Variants in TRPC7 observed in about 807,000 individuals in gnomAD.
TRPC7 encodes transient receptor potential cation channel subfamily C member 7.
TRPC7 carries 42 observed loss-of-function variants against 90.1 expected under a neutral mutation model. That is an observed-to-expected ratio of 0.47 (90% CI 0.36 to 0.60). TRPC7 has a LOEUF of 0.60. TRPC7 is among the 20% of genes least tolerant of loss of function. TRPC7 has a pLI of 0.00. For missense variants in TRPC7, 955 were observed against 1,112.3 expected (o/e 0.86, Z 2.01); for synonymous variants, 451 against 436.3 (o/e 1.03, Z -0.42).
intron 7 of TRPC7, among the ~76,000 whole-genome samples, chr5:136,238,286 T>C (rs1428048046): frequency 6.6e-6 from 1 of 152,190 alleles, no homozygotes; most frequent in Admixed American, 6.5e-5. Flanking sequence ...TTTGCCTCTT[T>C]TCCCTCTGAA....
chr5:136,313,409 ATCTATCTATCTG>A (rs1420645275), intron 3 of TRPC7, among the ~76,000 whole-genome samples: 8 of 152,048 alleles, frequency 5.3e-5, no homozygotes, highest in African/African-American at 1.7e-4. Context: ...CTATCTATCT[ATCTATCTATCTG>A]TCTATCAAGT....
intron 3 of TRPC7, among the ~76,000 whole-genome samples, chr5:136,311,575 A>G (rs1339574757): frequency 2.0e-5 from 3 of 152,252 alleles, no homozygotes; most frequent in African/African-American, 7.2e-5. Flanking sequence ...TAAGAAGGAT[A>G]GTTAGGCATG....
chr5:136,274,557 A>G, intron 4 of TRPC7, 116 bp downstream of exon 4: 3 of 1,163,096 alleles, frequency 2.6e-6, no homozygotes, highest in Admixed American at 7.6e-5. Context: ...TCTCAGGAAT[A>G]TTTTCTTTAA....
At chr5:136,310,091 C>T (rs1164730213) in intron 3 of TRPC7, among the ~76,000 whole-genome samples, 7 of 152,162 alleles carry the variant, frequency 4.6e-5, no homozygotes, top group African/African-American at 1.2e-4. Flanking sequence ...CTCAGTCACA[C>T]CCAGTCCTCC....
At chr5:136,360,142 A>G (rs1179956463) in intron 1 of TRPC7, among the ~76,000 whole-genome samples, 1 of 152,234 alleles carries the variant, frequency 6.6e-6, no homozygotes, top group Non-Finnish European at 1.5e-5. Flanking sequence ...TTTAATGACT[A>G]CTGAACCAAG....
intron 3 of TRPC7, among the ~76,000 whole-genome samples, chr5:136,301,062 T>G (rs1306863813): frequency 6.6e-6 from 1 of 152,152 alleles, no homozygotes; most frequent in African/African-American, 2.4e-5. Flanking sequence ...GGAGTTTCAC[T>G]CTTGTTGCCC....
rs1755142625 is a variant in TRPC7 at position 136,213,045 on chromosome 5, G to A, written c.*390C>T. Reference sequence around the variant, plus strand: ...GAGTGAGAAGGAGTTTGTGGGTTGAGGTGTTTGTCTTCCCAGGACACAGCC... The same window carrying A: ...GAGTGAGAAGGAGTTTGTGGGTTGAAGTGTTTGTCTTCCCAGGACACAGCC... On this transcript the variant is annotated 3_prime_UTR_variant, in exon 12 of 12. Coordinates refer to ENST00000513104, the MANE Select transcript of TRPC7 (RefSeq NM_020389.3). Among the ~76,000 whole-genome samples the A allele has an allele frequency of 6.6e-6, 1 of 152,144 alleles. No homozygotes were observed. The highest frequency in any genetic ancestry group is 2.4e-5 in the African/African-American group (1 of 41,426).
intron 7 of TRPC7, among the ~76,000 whole-genome samples, chr5:136,241,163 C>T (rs1019798582): frequency 2.6e-5 from 4 of 152,140 alleles, no homozygotes; most frequent in African/African-American, 7.2e-5. Flanking sequence ...ATAAGTGTCA[C>T]GGAAAATACA....
intron 2 of TRPC7, among the ~76,000 whole-genome samples, chr5:136,335,618 G>A (rs750704737): frequency 4.0e-5 from 6 of 151,736 alleles, no homozygotes; most frequent in African/African-American, 9.7e-5. Flanking sequence ...AAAAAGCTAC[G>A]AGAGGCCAGG....
chr5:136,275,270 AC>A (rs1456290605), intron 3 of TRPC7, among the ~76,000 whole-genome samples: 1 of 151,610 alleles, frequency 6.6e-6, no homozygotes, highest in Non-Finnish European at 1.5e-5. Flanking sequence ...ATTTTGTTCT[AC>A]CCCCTACTAG....
intron 3 of TRPC7, among the ~76,000 whole-genome samples, chr5:136,278,745 G>A (rs151304587): frequency 1.3e-3 from 196 of 152,276 alleles, no homozygotes; most frequent in African/African-American, 4.3e-3. Context: ...TATTTCATAT[G>A]CCCTGCCTAG....
chr5:136,315,525 A>T lies in TRPC7; in HGVS notation c.963+72T>A, dbSNP rs1165482638. ...CCTGTGGGAACATAAAATAGACATG[A>T]GCAAAAAGCAAGGCCAGCAGCCCCG... On this transcript the variant is annotated intron_variant, in intron 3 of 11. Coordinates refer to ENST00000513104, the MANE Select transcript of TRPC7 (RefSeq NM_020389.3). 29 of 1,526,398 alleles carry T rather than the reference A, an allele frequency of 1.9e-5. No individual in the cohort carries two copies. The East Asian group carries it at 6.6e-4, about 35-fold the overall frequency. The allele number at this position is 1,526,398 out of a possible 1,614,324, so 94.6% of individuals were successfully genotyped here.
chr5:136,364,102 C>T (rs1363853143), intron 1 of TRPC7, among the ~76,000 whole-genome samples: 1 of 152,088 alleles, frequency 6.6e-6, no homozygotes, highest in Non-Finnish European at 1.5e-5. Context: ...AAGTAACATG[C>T]TTAATATTTA....
chr5:136,231,466 T>C lies in TRPC7; in HGVS notation c.1928A>G (p.Lys643Arg), dbSNP rs1219134418. The change falls in exon 8 of 12, where the codon AAA (lysine) becomes AGA (arginine). Residue 643 changes from lysine (K) to arginine (R), a missense_variant. Lys to Arg is a conservative substitution (Grantham distance 26). Around this residue, in one of 4 missense-constraint regions of TRPC7, gnomAD observed 296 missense variants for 422.7 expected, o/e 0.70. Transcript: ENST00000513104. ...AACGTAGCCAATGTTCTCGATGAATTTGTGGTCGTATTTCAGCACCACTGA... is the reference window on the plus strand; with the variant it reads ...AACGTAGCCAATGTTCTCGATGAATCTGTGGTCGTATTTCAGCACCACTGA... ...VISVVLKYDH[K>R]FIENIGYVLY... The C allele has an allele frequency of 1.2e-6, 2 of 1,612,806 alleles. No homozygotes were observed. The highest frequency in any genetic ancestry group is 1.7e-6 in the Non-Finnish European group (2 of 1,179,394).
chr5:136,360,476 A>G (rs1349545891), intron 1 of TRPC7, among the ~76,000 whole-genome samples: 1 of 151,774 alleles, frequency 6.6e-6, no homozygotes, highest in African/African-American at 2.4e-5. Flanking sequence ...TGTTTTATCA[A>G]AAAAAATATG....
chr5:136,302,755 C>T (rs1386550305), intron 3 of TRPC7, among the ~76,000 whole-genome samples: 1 of 152,162 alleles, frequency 6.6e-6, no homozygotes, highest in African/African-American at 2.4e-5. Flanking sequence ...CCTACAAGAA[C>T]TAAATAATTC....
At chr5:136,248,488 A>G (rs1277247610) in intron 6 of TRPC7, among the ~76,000 whole-genome samples, 2 of 152,230 alleles carry the variant, frequency 1.3e-5, no homozygotes, top group Non-Finnish European at 2.9e-5. Context: ...CAGAACAAAT[A>G]AGCTCACATG....
chr5:136,333,302 T>A (rs1196307932), intron 2 of TRPC7, among the ~76,000 whole-genome samples: 1 of 41,352 alleles, frequency 2.4e-5, no homozygotes, highest in Non-Finnish European at 7.2e-5. Flanking sequence ...GTTCAAGAGG[T>A]TGGAACAGGG....
chr5:136,329,017 C>T (rs916938996), intron 2 of TRPC7, among the ~76,000 whole-genome samples: 1 of 152,238 alleles, frequency 6.6e-6, no homozygotes, highest in African/African-American at 2.4e-5. Context: ...CCACCTTCCT[C>T]AGCCAGGCAG....
Sources: gnomAD v4.1 joint callset for allele counts (sites outside exome capture counted in the v4.1 genomes callset) on GRCh38, gnomAD v4.1.1 for gene constraint, gnomAD v4.1.1 regional missense constraint, MANE v1.5 for transcripts, NCBI Gene and HGNC (gene_info 2026-07-23, HGNC 2026-07-21) for gene names.